The following ARHGAP26 variants were observed in gnomAD, a reference collection of about 807,000 sequenced individuals.
ARHGAP26 encodes the protein rho GTPase-activating protein 26.
In ARHGAP26, 38 loss-of-function variants were observed where a neutral mutation model predicts 104.8. The ratio of observed to expected loss-of-function variants is 0.36; its 90% CI spans 0.28 to 0.48. The LOEUF (loss-of-function observed/expected upper bound fraction) is 0.48. Ranked by LOEUF, ARHGAP26 falls within the 20% of genes least tolerant of loss-of-function variation. The pLI is 0.99. For synonymous variants in ARHGAP26, 341 were observed against 340.0 expected, an observed-to-expected ratio of 1.00 and a Z score of -0.03; for missense variants, 704 against 947.9, an observed-to-expected ratio of 0.74 and a Z score of 3.38.
chr5:142,837,671 G>T (rs991501807), intron 1 of ARHGAP26, among the ~76,000 whole-genome samples: 2 of 152,142 alleles, frequency 1.3e-5, no homozygotes, highest in African/African-American at 4.8e-5. Context: ...TGTGAAATCA[G>T]TATTGAGTAT....
chr5:143,058,366 T>C (rs1386770014), intron 17 of ARHGAP26, among the ~76,000 whole-genome samples: 1 of 152,258 alleles, frequency 6.6e-6, no homozygotes, highest in Non-Finnish European at 1.5e-5. Context: ...TCACTTGTCC[T>C]CTGAGATAAT....
chr5:143,069,683 G>A (rs1787975069), intron 17 of ARHGAP26, among the ~76,000 whole-genome samples: 1 of 152,170 alleles, frequency 6.6e-6, no homozygotes, highest in South Asian at 2.1e-4. Flanking sequence ...CTGTTTATAG[G>A]AGTTGTGCTT....
chr5:143,157,959 T>C (rs936455033), intron 20 of ARHGAP26, among the ~76,000 whole-genome samples: 1 of 152,218 alleles, frequency 6.6e-6, no homozygotes, highest in African/African-American at 2.4e-5. Context: ...ACCTCTTCAG[T>C]GAAATGGTAG....
At chr5:143,053,002 G>A (rs917558767) in intron 14 of ARHGAP26, among the ~76,000 whole-genome samples, 1 of 152,066 alleles carries the variant, frequency 6.6e-6, no homozygotes, top group African/African-American at 2.4e-5. Flanking sequence ...TGGCTTAAGG[G>A]GAAAAAGGAA....
At chr5:142,991,534 C>T (rs35041428) in intron 11 of ARHGAP26, among the ~76,000 whole-genome samples, 14,656 of 152,154 alleles carry the variant, frequency 0.096, 1,281 homozygotes, top group African/African-American at 0.23. Flanking sequence ...CTGTCTTCTG[C>T]GTCACTCACA....
At chr5:143,207,536 G>C in intron 21 of ARHGAP26, 1 of 1,576,034 alleles carries the variant, frequency 6.3e-7, no homozygotes, top group Non-Finnish European at 8.7e-7. Flanking sequence ...GGACAACAGG[G>C]GGCTGCCCCT....
chr5:142,912,012 T>C (rs896096374), intron 9 of ARHGAP26, among the ~76,000 whole-genome samples: 1 of 152,218 alleles, frequency 6.6e-6, no homozygotes, highest in African/African-American at 2.4e-5. Context: ...AGCCACACTT[T>C]CTGTTATTTC....
In ARHGAP26 at chr5:142,804,080, A is replaced by G. The variant is rs191979829; in HGVS notation, c.154+33165A>G. 5.7e-3 allele frequency among the ~76,000 whole-genome samples: 870 copies of G among 152,330 alleles called. 5 individuals carry two copies. The highest frequency in any genetic ancestry group is 7.5e-3 in the Non-Finnish European group (507 of 68,022). On this transcript the variant is annotated intron_variant, in intron 1 of 22. Transcript: ENST00000645722. ...GCTTAGGCTGTGGGATGGAGCCTGC[A>G]GCCGTAAAGTCAGCCTGACCTAAAA...
intron 6 of ARHGAP26, among the ~76,000 whole-genome samples, chr5:142,895,846 A>G (rs566462168): frequency 4.3e-4 from 65 of 152,340 alleles, no homozygotes; most frequent in African/African-American, 1.5e-3. Flanking sequence ...AAAAAAGATT[A>G]CAATCGGCTT....
At chr5:143,156,886 C>T (rs1800530537) in intron 20 of ARHGAP26, among the ~76,000 whole-genome samples, 1 of 152,260 alleles carries the variant, frequency 6.6e-6, no homozygotes, top group Non-Finnish European at 1.5e-5. Context: ...AAAGCCCAGT[C>T]AGCTGCTTCG....
intron 11 of ARHGAP26, among the ~76,000 whole-genome samples, chr5:143,009,551 G>T (rs1778445864): frequency 1.3e-5 from 2 of 152,222 alleles, no homozygotes; most frequent in African/African-American, 4.8e-5. Context: ...TTGGCATGAT[G>T]TCTGGCACAT....
intron 1 of ARHGAP26, among the ~76,000 whole-genome samples, chr5:142,827,903 A>G (rs1401255455): frequency 6.6e-6 from 1 of 152,206 alleles, no homozygotes; most frequent in Non-Finnish European, 1.5e-5. Context: ...CGGGAAGTGT[A>G]GATACTGCTT....
Position 142,770,851 on chromosome 5 carries a change from C to T in ARHGAP26, c.90C>T (p.Asp30=). ...TCAAGTCGCACGAAGCAGAGCTGGA[C>T]AAGACCAACAAATTCATCAAGGAGC... The part of the protein sequence containing the change: ...ETLKSHEAEL[D]KTNKFIKELI... Residue 30 remains aspartate (D), a synonymous_variant, in exon 1 of 23, where the codon GAC becomes GAT. Transcript: ENST00000645722. The T allele has an allele frequency of 6.2e-7, 1 of 1,612,144 alleles. No individual in the cohort carries two copies. Among genetic ancestry groups the T allele is most frequent in the Non-Finnish European group, 8.5e-7 (1 of 1,179,036 alleles).
At chr5:142,835,133 G>C (rs538044495) in intron 1 of ARHGAP26, among the ~76,000 whole-genome samples, 6 of 152,286 alleles carry the variant, frequency 3.9e-5, no homozygotes, top group African/African-American at 1.4e-4. Context: ...AATCAAGTTT[G>C]ATCTGTACTA....
At chr5:143,012,552 C>CATATATATATATATATATATATATGT (rs3073231) in intron 11 of ARHGAP26, among the ~76,000 whole-genome samples, 1 of 20,846 alleles carries the variant, frequency 4.8e-5, no homozygotes, top group African/African-American at 1.2e-4. Context: ...TACATACATA[C>CATATATATATATATATATATATATGT]ATATATATAT....
At chr5:143,166,279 G>T (rs1400277062) in intron 20 of ARHGAP26, among the ~76,000 whole-genome samples, 1 of 152,176 alleles carries the variant, frequency 6.6e-6, no homozygotes, top group East Asian at 1.9e-4. Context: ...GACACCCTCA[G>T]ATCAGGGTGA....
intron 1 of ARHGAP26, among the ~76,000 whole-genome samples, chr5:142,873,131 C>T (rs1755564794): frequency 6.6e-6 from 1 of 152,192 alleles, no homozygotes; most frequent in Non-Finnish European, 1.5e-5. Flanking sequence ...ACATGTCAAA[C>T]GGAGATGACA....
At chr5:142,795,016 G>A (rs772794322) in intron 1 of ARHGAP26, among the ~76,000 whole-genome samples, 3 of 151,820 alleles carry the variant, frequency 2.0e-5, no homozygotes, top group Admixed American at 1.3e-4. Context: ...GGCTTTGTGC[G>A]CCACATAGTG....
intron 22 of ARHGAP26, 142 bp downstream of exon 22, chr5:143,214,230 G>A: frequency 1.7e-6 from 1 of 578,178 alleles, no homozygotes; most frequent in Non-Finnish European, 3.1e-6. Context: ...GCGTCTGTGT[G>A]TGTTGGTTTC....
Sources: gnomAD v4.1 joint callset for allele counts (sites outside exome capture counted in the v4.1 genomes callset) on GRCh38, gnomAD v4.1.1 for gene constraint, MANE v1.5 for transcripts, NCBI Gene and HGNC (gene_info 2026-07-23, HGNC 2026-07-21) for gene names.